FAHD2B: variants seen among roughly 807,000 people sequenced by gnomAD.
FAHD2B encodes oxaloacetate tautomerase FAHD2B, mitochondrial.
Under a neutral mutation model 33.7 loss-of-function variants are expected in FAHD2B, and 26 were observed. The ratio of observed to expected loss-of-function variants is 0.77; its 90% CI spans 0.57 to 1.07. FAHD2B has a LOEUF of 1.07. Among genes scored for constraint, FAHD2B ranks in the 50% least tolerant of loss-of-function variants. The pLI, the probability that FAHD2B is intolerant of heterozygous loss-of-function variation, is 0.00. For missense variants in FAHD2B, 272 were observed against 388.1 expected (o/e 0.70, Z 2.51); for synonymous variants, 108 against 150.9 (o/e 0.72, Z 2.08).
At chr2:97,089,916 C>G (rs1574379777) in intron 4 of FAHD2B, 193 bp downstream of exon 4, 2 of 613,906 alleles carry the variant, frequency 3.3e-6, no homozygotes, top group South Asian at 2.1e-5. Context: ...AGGTGTATTG[C>G]TTTTGTAACC....
At chr2:97,092,476 C>T (rs2032405586) in intron 1 of FAHD2B, among the ~76,000 whole-genome samples, 1 of 152,136 alleles carries the variant, frequency 6.6e-6, no homozygotes, top group African/African-American at 2.4e-5. Flanking sequence ...TGGTCATCTC[C>T]TCCCTGGATC....
chr2:97,092,833 A>C (rs1282040602), intron 1 of FAHD2B, among the ~76,000 whole-genome samples: 1 of 151,620 alleles, frequency 6.6e-6, no homozygotes, highest in African/African-American at 2.4e-5. Context: ...ATTAGCCAGG[A>C]CTGGTGGCGG....
intron 6 of FAHD2B, among the ~76,000 whole-genome samples, chr2:97,085,215 CTGTG>C (rs2031894999): frequency 6.6e-6 from 1 of 150,746 alleles, no homozygotes; most frequent in South Asian, 2.2e-4. Flanking sequence ...TTGTGGGTGG[CTGTG>C]TGTTAAGAGG....
downstream of FAHD2B, chr2:97,082,276 G>T (rs1398524141): frequency 2.5e-6 from 4 of 1,574,164 alleles, no homozygotes; most frequent in East Asian, 9.3e-5. Flanking sequence ...CCTTTGCACA[G>T]GCTGCCGCCT....
chr2:97,081,383 C>A (rs924902029), downstream of FAHD2B: 50 of 1,557,176 alleles, frequency 3.2e-5, 1 homozygote, highest in Non-Finnish European at 4.3e-5. Flanking sequence ...TTTGGCTAGG[C>A]CCCTGCCCAT....
In FAHD2B at chr2:97,085,728, G is replaced by A. The variant is rs557305074; in HGVS notation, c.656C>T (p.Pro219Leu). ...KTFDTFCPLG[P>L]ALVTKDSVAD... ...TACACTGTCCTTGGTCACCAAGGCA[G>A]GGCCCAGAGGGCAGAAGGTGTCGAA... The change falls in exon 6 of 9, where the codon CCT becomes CTT. Residue 219 changes from proline to leucine, a missense_variant. Pro to Leu is a moderately conservative substitution (Grantham distance 98, BLOSUM62 -3). Transcript: ENST00000414820. 1 of 1,613,798 alleles carries A rather than the reference G, an allele frequency of 6.2e-7. No homozygotes were observed. Among genetic ancestry groups the A allele is most frequent in the South Asian group, 1.1e-5 (1 of 90,990 alleles).
downstream of FAHD2B, chr2:97,081,246 A>C (rs2031634451): frequency 1.3e-6 from 2 of 1,483,842 alleles, no homozygotes; most frequent in South Asian, 1.4e-5. Context: ...TGCTGCTGCT[A>C]AAGGTCAGGC....
chr2:97,083,742 T>C lies in FAHD2B; in HGVS notation c.*13A>G. On this transcript the variant is annotated 3_prime_UTR_variant, in exon 9 of 9. Transcript: ENST00000414820. ...AGATGCCCTCATCCTATGTCGGGCC[T>C]GTGCAGGAGCCATCACACCACCTTG... 1 of 1,614,118 alleles carries C rather than the reference T, an allele frequency of 6.2e-7. No homozygotes were observed.
Position 97,091,657 on chromosome 2 carries a change from T to C in FAHD2B, c.50A>G (p.Gln17Arg). 7 of 1,613,764 alleles carry C rather than the reference T, an allele frequency of 4.3e-6. No homozygotes were observed. The highest frequency in any genetic ancestry group is 5.9e-6 in the Non-Finnish European group (7 of 1,179,870). ...TCTGGAGGGTTGAAAGGGCCACTTC[T>C]GAGCCTGCAGCAGAGCTGTGAGTAA... The part of the protein sequence containing the change: ...RRLLTALLQA[Q>R]KWPFQPSRDM... The change falls in exon 3 of 9, where the codon CAG becomes CGG. Residue 17 changes from glutamine to arginine, a missense_variant. Coordinates refer to ENST00000414820, the MANE Select transcript of FAHD2B (RefSeq NM_001320848.2).
At chr2:97,082,040 T>C, downstream of FAHD2B, 3 of 1,585,286 alleles carry the variant, frequency 1.9e-6, no homozygotes, top group South Asian at 3.4e-5. Context: ...AGAAAGCTGC[T>C]GTGGAAACCG....
At chr2:97,082,494 T>C (rs953112625), downstream of FAHD2B, 50 of 1,611,460 alleles carry the variant, frequency 3.1e-5, 1 homozygote, top group Middle Eastern at 3.6e-4. Flanking sequence ...CCCAGGCTCC[T>C]GCAGGCAGTG....
chr2:97,080,170 T>C (rs1464495817), downstream of FAHD2B, among the ~76,000 whole-genome samples: 10 of 152,148 alleles, frequency 6.6e-5, no homozygotes, highest in African/African-American at 2.4e-4. Context: ...TTTGCCCATG[T>C]CTATGTTCCG....
At chr2:97,084,123 G>A in intron 7 of FAHD2B, 46 bp downstream of exon 7, 2 of 1,613,276 alleles carry the variant, frequency 1.2e-6, no homozygotes, top group Non-Finnish European at 8.5e-7. Flanking sequence ...GCCTCCACAT[G>A]TGTGGCAGGT....
In FAHD2B at chr2:97,091,891, G is replaced by C. The variant is rs537050527; in HGVS notation, c.-35C>G. ...CTATACTTCATAAGGTGAAACTTTT[G>C]TAGAGGAGCAACTACTACATGCTAC... On this transcript the variant is annotated 5_prime_UTR_variant, in exon 2 of 9. Coordinates refer to ENST00000414820, the MANE Select transcript of FAHD2B (RefSeq NM_001320848.2). 1.8e-4 allele frequency: 153 copies of C among 854,100 alleles called. 2 individuals carry two copies. Among genetic ancestry groups the C allele is most frequent in the Admixed American group, 2.2e-4 (7 of 32,378 alleles). The allele number at this position is 854,100 out of a possible 1,614,324, so 52.9% of individuals were successfully genotyped here.
In FAHD2B at chr2:97,086,227, G is replaced by A. The variant is rs548327182; in HGVS notation, c.463-29C>T. 82 of 1,607,886 alleles carry A rather than the reference G, an allele frequency of 5.1e-5. 1 individual carries two copies. The highest frequency in any genetic ancestry group is 4.6e-4 in the South Asian group (41 of 89,508). On this transcript the variant is annotated intron_variant, in intron 4 of 8. Coordinates refer to ENST00000414820, the MANE Select transcript of FAHD2B (RefSeq NM_001320848.2). Reference sequence around the variant, plus strand: ...TAGGGTGGGAGAGGAATAGTGAGCCGCAGTGGCTTCGGGGCCCATTATCTA... The same window carrying A: ...TAGGGTGGGAGAGGAATAGTGAGCCACAGTGGCTTCGGGGCCCATTATCTA...
downstream of FAHD2B, among the ~76,000 whole-genome samples, chr2:97,080,640 T>G (rs538670413): frequency 6.6e-6 from 1 of 152,248 alleles, no homozygotes; most frequent in Admixed American, 6.6e-5. Context: ...CCATGGTAGT[T>G]TAATGGGAAT....
Position 97,083,941 on chromosome 2 carries a change from A to G in FAHD2B, c.882+7T>C. Reference sequence around the variant, plus strand: ...GCCCTTGCTCTCTTTGCTTTTCGCTAACCTACCTTGAGAAAGACAGGAGGT... The same window carrying G: ...GCCCTTGCTCTCTTTGCTTTTCGCTGACCTACCTTGAGAAAGACAGGAGGT... On this transcript the variant is annotated splice_region_variant and intron_variant, in intron 8 of 8. Transcript: ENST00000414820. 3.7e-6 allele frequency: 6 copies of G among 1,613,826 alleles called. No individual in the cohort carries two copies. Among genetic ancestry groups the G allele is most frequent in the Non-Finnish European group, 4.2e-6 (5 of 1,179,950 alleles).
At position 97,083,666 on chromosome 2, in the gene FAHD2B, C is replaced by A. The variant is rs1418560468; in HGVS notation, c.*89G>T. On this transcript the variant is annotated 3_prime_UTR_variant, in exon 9 of 9. Transcript: ENST00000414820. Reference sequence around the variant, plus strand: ...GAAGAGGCGGCTTGCAGGGCTGGCACCTGCCCACACCTGCCACTGGGCCTT... The same window carrying A: ...GAAGAGGCGGCTTGCAGGGCTGGCAACTGCCCACACCTGCCACTGGGCCTT... The A allele has an allele frequency of 3.1e-6, 5 of 1,602,590 alleles. No individual in the cohort carries two copies. In the African/African-American group the frequency reaches 6.7e-5, roughly 21 times the overall value.
Position 97,085,742 on chromosome 2 carries a change from G to A in FAHD2B, c.642C>T (p.Phe214=). 1 of 1,613,816 alleles carries A rather than the reference G, an allele frequency of 6.2e-7. No homozygotes were observed. Among genetic ancestry groups the A allele is most frequent in the Admixed American group, 1.7e-5 (1 of 59,948 alleles). ...QWLLGKTFDT[F]CPLGPALVTK... ...TCACCAAGGCAGGGCCCAGAGGGCA[G>A]AAGGTGTCGAAGGTTTTTCCCAGCA... The change falls in exon 6 of 9, where the codon TTC becomes TTT. Residue 214 remains phenylalanine, a synonymous_variant. Transcript: ENST00000414820.
Sources: gnomAD v4.1 joint callset for allele counts (sites outside exome capture counted in the v4.1 genomes callset) on GRCh38, gnomAD v4.1.1 for gene constraint, MANE v1.5 for transcripts, NCBI Gene and HGNC (gene_info 2026-07-23, HGNC 2026-07-21) for gene names.